ABCC4: variants seen among roughly 807,000 people sequenced by gnomAD.
The protein encoded by ABCC4 is ATP binding cassette subfamily C member 4 (PEL blood group), also known as ATP-binding cassette sub-family C member 4.
In ABCC4, 102 loss-of-function variants were observed where a neutral mutation model predicts 168.5. That is an observed-to-expected ratio of 0.61 (90% CI 0.52 to 0.71). The LOEUF is 0.71. Ranked by LOEUF, ABCC4 falls within the 30% of genes least tolerant of loss-of-function variation. The pLI, the probability that ABCC4 is intolerant of heterozygous loss-of-function variation, is 0.00. For synonymous variants in ABCC4, 617 were observed against 590.7 expected (o/e 1.04, Z -0.65); for missense variants, 1,402 against 1,605.8 (o/e 0.87, Z 2.17).
chr13:95,094,702 G>A (rs35074427), intron 20 of ABCC4, among the ~76,000 whole-genome samples: 22,996 of 152,082 alleles, frequency 0.15, 2,144 homozygotes, highest in East Asian at 0.27. Flanking sequence ...CTTTTGCACC[G>A]CAAAAGGCAC....
chr13:95,112,813 G>A (rs2035249152), intron 20 of ABCC4, among the ~76,000 whole-genome samples: 1 of 152,098 alleles, frequency 6.6e-6, no homozygotes, highest in African/African-American at 2.4e-5. Context: ...CCTAACGAGA[G>A]CCATCAAAAC....
intron 11 of ABCC4, among the ~76,000 whole-genome samples, chr13:95,185,723 A>AT (rs1242000626): frequency 6.6e-6 from 1 of 151,010 alleles, no homozygotes; most frequent in East Asian, 1.9e-4. Context: ...AGTATTTACC[A>AT]TTTTTTCTAT....
chr13:95,233,948 C>T (rs1027007042), intron 4 of ABCC4, among the ~76,000 whole-genome samples: 4 of 152,154 alleles, frequency 2.6e-5, no homozygotes, highest in African/African-American at 4.8e-5. Context: ...CAACTATTTT[C>T]TTAAATACCA....
intron 19 of ABCC4, among the ~76,000 whole-genome samples, chr13:95,129,343 T>G (rs192361413): frequency 6.8e-4 from 103 of 152,340 alleles, no homozygotes; most frequent in Non-Finnish European, 1.3e-3. Flanking sequence ...AGCATAAAGG[T>G]AGCTAAAGCA....
intron 8 of ABCC4, among the ~76,000 whole-genome samples, chr13:95,203,455 GAGGAGCTGGGATTACAGGCGTGTAGCTC>G (rs1261929540): frequency 6.6e-6 from 1 of 151,158 alleles, no homozygotes; most frequent in Non-Finnish European, 1.5e-5. Context: ...TGAGCCTCCT[GAGGAGCTGGGATTACAGGCGTGTAGCTC>G]AGGAGCTGGG....
chr13:95,100,988 G>A (rs1017188139), intron 20 of ABCC4, among the ~76,000 whole-genome samples: 2 of 152,168 alleles, frequency 1.3e-5, no homozygotes, highest in African/African-American at 4.8e-5. Flanking sequence ...ACTGAGACAA[G>A]TCAAGGCAGT....
chr13:95,237,282 T>C (rs1053690914), intron 3 of ABCC4, among the ~76,000 whole-genome samples: 3 of 152,172 alleles, frequency 2.0e-5, no homozygotes, highest in African/African-American at 7.2e-5. Context: ...GGTCCATGCT[T>C]TTCCACGGAC....
At chr13:95,173,758 A>G (rs1380265746) in intron 13 of ABCC4, among the ~76,000 whole-genome samples, 1 of 152,170 alleles carries the variant, frequency 6.6e-6, no homozygotes, top group East Asian at 1.9e-4. Context: ...CCAAATTCCT[A>G]CTGAACCCTA....
intron 14 of ABCC4, among the ~76,000 whole-genome samples, chr13:95,167,676 T>C (rs1186921507): frequency 6.6e-6 from 1 of 152,200 alleles, no homozygotes; most frequent in Non-Finnish European, 1.5e-5. Flanking sequence ...TTTCACATAG[T>C]ATCTGTAAGA....
intron 20 of ABCC4, among the ~76,000 whole-genome samples, chr13:95,104,232 G>A (rs149346136): frequency 4.9e-4 from 74 of 152,212 alleles, no homozygotes; most frequent in African/African-American, 1.6e-3. Flanking sequence ...AATTCTTTCA[G>A]CCTCCCAAGT....
At chr13:95,127,148 C>A (rs975688371) in intron 19 of ABCC4, among the ~76,000 whole-genome samples, 1 of 151,990 alleles carries the variant, frequency 6.6e-6, no homozygotes, top group African/African-American at 2.4e-5. Context: ...CACACCATGG[C>A]GTTCACCAGT....
At chr13:95,255,163 G>A (rs192919764) in intron 1 of ABCC4, among the ~76,000 whole-genome samples, 14 of 152,332 alleles carry the variant, frequency 9.2e-5, no homozygotes, top group Middle Eastern at 3.4e-3. Flanking sequence ...GCATTTTCTC[G>A]TAGGTAAGTG....
chr13:95,254,831 T>C (rs12584649), intron 1 of ABCC4, among the ~76,000 whole-genome samples: 40,709 of 152,060 alleles, frequency 0.27, 6,627 homozygotes, highest in East Asian at 0.5. Flanking sequence ...TGTTTTCCCC[T>C]GGAGGCATCT....
intron 9 of ABCC4, among the ~76,000 whole-genome samples, chr13:95,190,365 A>G (rs561299515): frequency 6.6e-6 from 1 of 152,210 alleles, no homozygotes. Context: ...GCAGTTTATT[A>G]TTTAGGAGAC....
chr13:95,058,567 C>CAAAAAAAAAAAAAAAAAAAAAAAAAAAA (rs1165324016), intron 26 of ABCC4, among the ~76,000 whole-genome samples: 4 of 62,792 alleles, frequency 6.4e-5, no homozygotes, highest in Non-Finnish European at 8.8e-5. Flanking sequence ...GACTCCATCT[C>CAAAAAAAAAAAAAAAAAAAAAAAAAAAA]AAAAAAAAAA....
In ABCC4 at chr13:95,034,553, G is replaced by A. The variant is rs567863046; in HGVS notation, c.3870+52C>T. The stretch of plus-strand genomic sequence containing the variant: ...CCATACCCATGGTGCCAAATTGTGC[G>A]GAGGGAGCCGCTGAGACAAACTTTA... On this transcript the variant is annotated intron_variant, in intron 30 of 30. Coordinates refer to ENST00000645237, the MANE Select transcript of ABCC4 (RefSeq NM_005845.5). 9.2e-5 allele frequency: 146 copies of A among 1,589,042 alleles called. 1 individual carries two copies. In the South Asian group the frequency reaches 1.1e-3, roughly 12 times the overall value.
chr13:95,058,439 C>T (rs943375707), intron 26 of ABCC4, among the ~76,000 whole-genome samples: 2 of 151,252 alleles, frequency 1.3e-5, no homozygotes, highest in Admixed American at 1.3e-4. Context: ...TGTGGTGGCA[C>T]GCACCTGTAA....
chr13:95,101,980 A>G (rs963041514), intron 20 of ABCC4, among the ~76,000 whole-genome samples: 5 of 152,232 alleles, frequency 3.3e-5, no homozygotes, highest in Non-Finnish European at 5.9e-5. Flanking sequence ...TTATCCTCAC[A>G]ATAACCCTCA....
At chr13:95,093,842 T>C (rs181136189) in intron 20 of ABCC4, among the ~76,000 whole-genome samples, 234 of 152,254 alleles carry the variant, frequency 1.5e-3, no homozygotes, top group Non-Finnish European at 2.6e-3. Flanking sequence ...ATAAGATTAA[T>C]GTACACAAAT....
Sources: gnomAD v4.1 joint callset for allele counts (sites outside exome capture counted in the v4.1 genomes callset) on GRCh38, gnomAD v4.1.1 for gene constraint, MANE v1.5 for transcripts, NCBI Gene and HGNC (gene_info 2026-07-23, HGNC 2026-07-21) for gene names.